RAP1GAP2: variants seen among roughly 807,000 people sequenced by gnomAD.
RAP1GAP2 encodes the protein rap1 GTPase-activating protein 2.
Under a neutral mutation model 95.0 loss-of-function variants are expected in RAP1GAP2, and 27 were observed. The ratio of observed to expected loss-of-function variants is 0.28; its 90% CI spans 0.21 to 0.39. RAP1GAP2 has a LOEUF of 0.39. RAP1GAP2 is among the 10% of genes least tolerant of loss of function. The probability of loss-of-function intolerance (pLI) is 1.00; values close to 1 mark genes in which losing one functional copy is unlikely to be tolerated. For synonymous variants in RAP1GAP2, 373 were observed against 380.9 expected (o/e 0.98, Z 0.24); for missense variants, 771 against 970.0 (o/e 0.79, Z 2.72).
intron 1 of RAP1GAP2, among the ~76,000 whole-genome samples, chr17:2,762,230 A>G (rs1597263622): frequency 6.6e-6 from 1 of 150,796 alleles, no homozygotes; most frequent in South Asian, 2.1e-4. Flanking sequence ...CTCGTGATCC[A>G]CCTGCCTCGG....
intron 7 of RAP1GAP2, 37 bp downstream of exon 7, chr17:2,964,105 G>C: frequency 1.9e-6 from 3 of 1,548,250 alleles, no homozygotes; most frequent in Non-Finnish European, 2.6e-6. Context: ...GGGGTTGGGG[G>C]CAGAGGCTGG....
At chr17:2,885,009 A>AC (rs2151678563) in intron 2 of RAP1GAP2, among the ~76,000 whole-genome samples, 1 of 149,720 alleles carries the variant, frequency 6.7e-6, no homozygotes, top group Non-Finnish European at 1.5e-5. Flanking sequence ...CCAAATAGGC[A>AC]CATTTCTTTT....
At chr17:2,995,285 C>T (rs1318319682) in intron 12 of RAP1GAP2, 52 bp from the exon 13 acceptor site, 1 of 1,584,764 alleles carries the variant, frequency 6.3e-7, no homozygotes, top group Admixed American at 1.7e-5. Context: ...TTAAGTTGCC[C>T]ACTTTGCCTC....
At chr17:2,851,513 T>C (rs2071845707) in intron 2 of RAP1GAP2, among the ~76,000 whole-genome samples, 1 of 151,982 alleles carries the variant, frequency 6.6e-6, no homozygotes, top group South Asian at 2.1e-4. Context: ...GGTGGCGAGC[T>C]TGTAGGGCAG....
rs138933293 is a variant in RAP1GAP2, at chr17:2,943,877, T to C, written c.166-13882T>C. Among the ~76,000 whole-genome samples the C allele has an allele frequency of 6.9e-3, 1,039 of 150,204 alleles. 10 individuals carry two copies. Among genetic ancestry groups the C allele is most frequent in the Middle Eastern group, 0.01 (3 of 286 alleles). ...TCAAAACCACAGAAGAGGCCAGGCATGGTGGCTCACGCCTGTAATCCCAGC... is the reference window on the plus strand; with the variant it reads ...TCAAAACCACAGAAGAGGCCAGGCACGGTGGCTCACGCCTGTAATCCCAGC... On this transcript the variant is annotated intron_variant, in intron 3 of 24. Transcript: ENST00000254695.
chr17:2,836,278 A>G (rs2071126126), intron 2 of RAP1GAP2, among the ~76,000 whole-genome samples: 1 of 152,132 alleles, frequency 6.6e-6, no homozygotes, highest in Admixed American at 6.6e-5. Context: ...TAAGAAAAAA[A>G]AAAAGAAACC....
In RAP1GAP2 at chr17:3,004,987, T is replaced by C. The variant is rs992350164; in HGVS notation, c.1201-382T>C. Among the ~76,000 whole-genome samples, 1 of 152,166 alleles carries C rather than the reference T, an allele frequency of 6.6e-6. No homozygotes were observed. The highest frequency in any genetic ancestry group is 1.5e-5 in the Non-Finnish European group (1 of 68,030). ...GCTTCTCTGTGTGTCTCTGGGCATC[T>C]GTTTCCTCATCAGGGAGAACAGTTC... On this transcript the variant is annotated intron_variant, in intron 14 of 24. Transcript: ENST00000254695. This position sits in a 1 kb window ranked among gnomAD's most constrained non-coding sequence, Gnocchi z 4.1.
chr17:3,026,497 C>A, intron 21 of RAP1GAP2, 33 bp downstream of exon 21: 1 of 1,482,306 alleles, frequency 6.7e-7, no homozygotes. Flanking sequence ...TGGGCAGGCA[C>A]TCTGGGGCGT....
chr17:2,982,148 C>G (rs2045385093), intron 10 of RAP1GAP2, among the ~76,000 whole-genome samples: 1 of 152,114 alleles, frequency 6.6e-6, no homozygotes, highest in African/African-American at 2.4e-5. Flanking sequence ...GGAACAAACA[C>G]TCTTTTTTTG....
intron 3 of RAP1GAP2, among the ~76,000 whole-genome samples, chr17:2,910,768 C>G (rs1035677323): frequency 2.0e-5 from 3 of 152,164 alleles, no homozygotes; most frequent in African/African-American, 7.2e-5. Flanking sequence ...CTCTGTCACC[C>G]AGGCTGAAAT....
chr17:2,781,079 A>C (rs2068633929), intron 1 of RAP1GAP2, among the ~76,000 whole-genome samples: 1 of 152,210 alleles, frequency 6.6e-6, no homozygotes, highest in African/African-American at 2.4e-5. Flanking sequence ...TGCCAACGAT[A>C]CAAGGCTGTG....
At chr17:2,818,721 C>T (rs1383896000) in intron 2 of RAP1GAP2, among the ~76,000 whole-genome samples, 1 of 152,146 alleles carries the variant, frequency 6.6e-6, no homozygotes, top group African/African-American at 2.4e-5. Context: ...TACCTGACAT[C>T]CTTTTGAATT....
chr17:2,992,350 C>T (rs1371529423), intron 12 of RAP1GAP2, among the ~76,000 whole-genome samples: 9 of 152,016 alleles, frequency 5.9e-5, no homozygotes, highest in South Asian at 4.2e-4. Flanking sequence ...TTGGTAGAGA[C>T]GGGGTTTCAC....
chr17:2,819,022 A>AT (rs894511598), intron 2 of RAP1GAP2, among the ~76,000 whole-genome samples: 1,806 of 140,948 alleles, frequency 0.013, 26 homozygotes, highest in African/African-American at 0.04. Flanking sequence ...TGTAAAGTCT[A>AT]TTTTTTTTTT....
intron 9 of RAP1GAP2, 51 bp downstream of exon 9, chr17:2,980,416 T>G: frequency 3.8e-6 from 6 of 1,581,390 alleles, no homozygotes; most frequent in Non-Finnish European, 5.2e-6. Context: ...AGCCCAGGGC[T>G]GGCCTCTGGA....
intron 3 of RAP1GAP2, among the ~76,000 whole-genome samples, chr17:2,923,284 C>T (rs1484309694): frequency 9.3e-5 from 14 of 151,332 alleles, no homozygotes; most frequent in African/African-American, 2.9e-4. Context: ...GTGATCTGCC[C>T]GCCTCGGCCT....
chr17:2,863,059 A>G (rs946306715), intron 2 of RAP1GAP2, among the ~76,000 whole-genome samples: 6 of 151,084 alleles, frequency 4.0e-5, no homozygotes, highest in Admixed American at 1.3e-4. Context: ...TTCCACTAAG[A>G]GTGTCTGGGT....
chr17:2,954,634 C>A (rs1158060213), intron 3 of RAP1GAP2, among the ~76,000 whole-genome samples: 2 of 151,546 alleles, frequency 1.3e-5, no homozygotes, highest in Admixed American at 1.3e-4. Context: ...TGCTCTGTTG[C>A]CCAGGCTGGA....
At chr17:2,800,379 C>T (rs1428964222) in intron 1 of RAP1GAP2, 136 bp from the exon 2 acceptor site, 3 of 1,319,792 alleles carry the variant, frequency 2.3e-6, no homozygotes, top group Admixed American at 4.2e-5. Context: ...TAGCGGAGAA[C>T]TGGCCCCTTT....
Sources: allele counts gnomAD v4.1 joint callset (sites outside exome capture counted in the v4.1 genomes callset), GRCh38; gene constraint gnomAD v4.1.1; non-coding constraint Gnocchi (gnomAD v3.1); transcripts MANE v1.5; gene names NCBI Gene and HGNC (gene_info 2026-07-23, HGNC 2026-07-21).